RIC1: variants seen among roughly 807,000 people sequenced by gnomAD.
RIC1 encodes the protein guanine nucleotide exchange factor subunit RIC1.
Under a neutral mutation model 169.0 loss-of-function variants are expected in RIC1, and 88 were observed. The observed-to-expected ratio is 0.52, with a 90% CI of 0.44 to 0.62. RIC1 has a LOEUF of 0.62. Ranked by LOEUF, RIC1 falls within the 20% of genes least tolerant of loss-of-function variation. The pLI is 0.00. For missense variants in RIC1, 1,877 were observed against 1,725.5 expected, an observed-to-expected ratio of 1.09 and a Z score of -1.56; for synonymous variants, 790 against 601.5, an observed-to-expected ratio of 1.31 and a Z score of -4.59.
intron 2 of RIC1, among the ~76,000 whole-genome samples, chr9:5,657,245 T>C (rs529347461): frequency 6.6e-6 from 1 of 152,304 alleles, no homozygotes; most frequent in East Asian, 1.9e-4. Context: ...TCCATATCCA[T>C]TTGGATCTGT....
intron 10 of RIC1, among the ~76,000 whole-genome samples, chr9:5,744,759 C>T (rs1329455208): frequency 6.6e-6 from 1 of 152,036 alleles, no homozygotes; most frequent in Non-Finnish European, 1.5e-5. Context: ...ATTAGGGAGG[C>T]TTAACCTGTA....
intron 2 of RIC1, among the ~76,000 whole-genome samples, chr9:5,683,680 CA>C (rs1418998309): frequency 6.6e-6 from 1 of 152,202 alleles, no homozygotes; most frequent in African/African-American, 2.4e-5. Context: ...AGCTGTCAGA[CA>C]GGGACATTTA....
At chr9:5,724,669 C>G (rs1280272254) in intron 6 of RIC1, among the ~76,000 whole-genome samples, 2 of 152,096 alleles carry the variant, frequency 1.3e-5, no homozygotes, top group Admixed American at 6.5e-5. Flanking sequence ...CAGTTTTTGC[C>G]CATTCAGTAT....
At chr9:5,731,693 T>C (rs890912403) in intron 6 of RIC1, among the ~76,000 whole-genome samples, 1 of 152,192 alleles carries the variant, frequency 6.6e-6, no homozygotes, top group Admixed American at 6.5e-5. Context: ...ATATGCTTAC[T>C]AATAATGTCA....
intron 1 of RIC1, among the ~76,000 whole-genome samples, chr9:5,632,921 G>A (rs1010719954): frequency 9.2e-5 from 14 of 152,096 alleles, no homozygotes; most frequent in African/African-American, 2.9e-4. Context: ...TCAGGTCACC[G>A]ACTTTAAACA....
chr9:5,749,764 C>CTTTTTTTT (rs769556596), intron 12 of RIC1, among the ~76,000 whole-genome samples: 1 of 36,332 alleles, frequency 2.8e-5, no homozygotes, highest in Non-Finnish European at 4.7e-5. Context: ...AAAGGCGGTG[C>CTTTTTTTT]TTTTTTTTTT....
chr9:5,746,901 G>A (rs181939849), intron 11 of RIC1, among the ~76,000 whole-genome samples: 1 of 152,218 alleles, frequency 6.6e-6, no homozygotes, highest in African/African-American at 2.4e-5. Context: ...AGGATCCCCA[G>A]AAAAGAAGAG....
intron 1 of RIC1, among the ~76,000 whole-genome samples, chr9:5,645,482 C>A (rs1818458736): frequency 2.0e-5 from 3 of 152,210 alleles, no homozygotes; most frequent in Admixed American, 2.0e-4. Flanking sequence ...ACCATTACCA[C>A]CATCAGTATC....
rs536352333 is a variant in RIC1, at chr9:5,768,548, A to G, written c.3138-422A>G. ...GTCATTTAAGAAAAAAAAAGTTGGT[A>G]TTCTTTTCATATGTCTGCATGACTC... On this transcript the variant is annotated intron_variant, in intron 21 of 25. Transcript: ENST00000414202. 5.9e-5 allele frequency among the ~76,000 whole-genome samples: 9 copies of G among 152,254 alleles called. 1 individual carries two copies. The South Asian group carries it at 1.9e-3, about 32-fold the overall frequency.
At chr9:5,662,164 C>G (rs996680645) in intron 2 of RIC1, among the ~76,000 whole-genome samples, 1 of 152,208 alleles carries the variant, frequency 6.6e-6, no homozygotes, top group Non-Finnish European at 1.5e-5. Context: ...ACCAGTCTTG[C>G]ATTCCGGGGA....
chr9:5,757,096 A>C (rs1010211749), intron 16 of RIC1, among the ~76,000 whole-genome samples: 2 of 151,952 alleles, frequency 1.3e-5, no homozygotes, highest in Non-Finnish European at 2.9e-5. Context: ...CTTCCCTCCT[A>C]TTTGTTACTC....
At chr9:5,660,787 A>G (rs1171059219) in intron 2 of RIC1, among the ~76,000 whole-genome samples, 5 of 151,878 alleles carry the variant, frequency 3.3e-5, no homozygotes, top group Admixed American at 2.6e-4. Context: ...AAAATTTGCT[A>G]CCATTCTGTT....
At chr9:5,653,698 A>G (rs1224120764) in intron 1 of RIC1, among the ~76,000 whole-genome samples, 2 of 151,980 alleles carry the variant, frequency 1.3e-5, no homozygotes, top group Admixed American at 1.3e-4. Context: ...CCTGGGTTCA[A>G]GTGATTCTCC....
intron 12 of RIC1, 120 bp downstream of exon 12, chr9:5,747,625 T>C: frequency 2.3e-6 from 2 of 852,386 alleles, no homozygotes; most frequent in Non-Finnish European, 3.7e-6. Context: ...AACCATTTTG[T>C]CATGTCCCTC....
chr9:5,651,540 T>C (rs1250130906), intron 1 of RIC1, among the ~76,000 whole-genome samples: 1 of 150,644 alleles, frequency 6.6e-6, no homozygotes. Flanking sequence ...TTTTGGGTCT[T>C]ACATTTAAGT....
chr9:5,713,785 A>G, intron 3 of RIC1, 111 bp from the exon 4 acceptor site: 1 of 606,942 alleles, frequency 1.6e-6, no homozygotes, highest in Non-Finnish European at 2.9e-6. Context: ...TGAAGGATGA[A>G]TACCTGATTT....
intron 3 of RIC1, among the ~76,000 whole-genome samples, chr9:5,709,992 A>G (rs369453081): frequency 8.5e-5 from 13 of 152,202 alleles, no homozygotes; most frequent in African/African-American, 3.1e-4. Context: ...TCTCTTGATA[A>G]TCACCAACAG....
In RIC1 at chr9:5,763,030, A is replaced by C. The variant is rs28704540; in HGVS notation, c.2113-110A>C. The C allele has an allele frequency of 5.2e-6, 7 of 1,336,898 alleles. No individual in the cohort carries two copies. Among genetic ancestry groups the C allele is most frequent in the African/African-American group, 1.5e-5 (1 of 67,514 alleles). The allele number at this position is 1,336,898 out of a possible 1,614,324, so 82.8% of individuals were successfully genotyped here. A position where few individuals can be genotyped will look rare whatever the true frequency, so the allele number is the denominator to read the frequency against. Reference sequence around the variant, plus strand: ...CTAATTAGATCCCTTTGCTTTTCCCAAAAAAATATTATACTATCATTTGAA... The same window carrying C: ...CTAATTAGATCCCTTTGCTTTTCCCCAAAAAATATTATACTATCATTTGAA... On this transcript the variant is annotated intron_variant, in intron 18 of 25. Coordinates refer to ENST00000414202, the MANE Select transcript of RIC1 (RefSeq NM_020829.4). The surrounding 1 kb of genome is among the most constrained non-coding windows in gnomAD (Gnocchi z 5.2).
At chr9:5,659,155 A>C (rs1329730228) in intron 2 of RIC1, among the ~76,000 whole-genome samples, 1 of 152,148 alleles carries the variant, frequency 6.6e-6, no homozygotes, top group African/African-American at 2.4e-5. Context: ...TTAAAGAACT[A>C]TTCTTTTCCC....
Sources: allele counts gnomAD v4.1 joint callset (sites outside exome capture counted in the v4.1 genomes callset), GRCh38; gene constraint gnomAD v4.1.1; non-coding constraint Gnocchi (gnomAD v3.1); transcripts MANE v1.5; gene names NCBI Gene and HGNC (gene_info 2026-07-23, HGNC 2026-07-21).